The following LCE1E variants were observed in gnomAD, a reference collection of about 807,000 sequenced individuals.
The protein encoded by LCE1E is late cornified envelope protein 1E.
For synonymous variants in LCE1E, 61 were observed against 55.0 expected (o/e 1.11, Z -0.48); for missense variants, 144 against 144.3 (o/e 1.00, Z 0.01).
At chr1:152,786,416 T>G (rs1651852308) in intron 1 of LCE1E, 109 bp downstream of exon 1, 1 of 152,554 alleles carries the variant, frequency 6.6e-6, no homozygotes, top group Admixed American at 6.5e-5. Flanking sequence ...TGGTAACAAC[T>G]GGGACAGAAA....
intron 1 of LCE1E, 119 bp from the exon 2 acceptor site, chr1:152,787,159 A>G: frequency 1.1e-6 from 1 of 950,158 alleles, no homozygotes; most frequent in East Asian, 2.4e-5. Flanking sequence ...ATTTGGGGAA[A>G]GTATTGGAAG....
chr1:152,787,516 G>A lies in LCE1E; in HGVS notation c.217G>A (p.Gly73Ser), dbSNP rs1328296492. The change falls in exon 2 of 2, where the codon GGT becomes AGT. Residue 73 changes from glycine (G) to serine (S), a missense_variant. By Grantham distance (56) the Gly-to-Ser change is moderately conservative. Coordinates refer to ENST00000368770, the MANE Select transcript of LCE1E (RefSeq NM_178353.2). ...TGGGGGCTGCTGCAGCTCTGGGGGAGGTGGCTGCTGCCTGAGCCACCACAG... is the reference window on the plus strand; with the variant it reads ...TGGGGGCTGCTGCAGCTCTGGGGGAAGTGGCTGCTGCCTGAGCCACCACAG... The part of the protein sequence containing the change: ...SSGGCCSSGG[G>S]GCCLSHHRHH... The A allele has an allele frequency of 6.2e-7, 1 of 1,612,356 alleles. No homozygotes were observed.
Position 152,787,677 on chromosome 1 carries a change from T to C in LCE1E, c.*21T>C. ...GCTGAAGTGGACCTTGACTTCCTCT[T>C]CCTTCTGATTCTGCCTGAATAGCTG... On this transcript the variant is annotated 3_prime_UTR_variant, in exon 2 of 2. Transcript: ENST00000368770. 6.5e-7 allele frequency: 1 copy of C among 1,532,870 alleles called. No homozygotes were observed. The highest frequency in any genetic ancestry group is 8.8e-7 in the Non-Finnish European group (1 of 1,142,760). 95.0% of individuals were successfully genotyped at this position (1,532,870 alleles called of 1,614,324 possible). A position where few individuals can be genotyped will look rare whatever the true frequency, so the allele number is the denominator to read the frequency against.
Position 152,787,892 on chromosome 1 carries a change from T to C in LCE1E, c.*236T>C. The C allele has an allele frequency of 1.9e-6, 1 of 525,590 alleles. No individual in the cohort carries two copies. The highest frequency in any genetic ancestry group is 3.4e-6 in the Non-Finnish European group (1 of 295,868). 32.6% of individuals were successfully genotyped at this position (525,590 alleles called of 1,614,324 possible). A position where few individuals can be genotyped will look rare whatever the true frequency, so the allele number is the denominator to read the frequency against. On this transcript the variant is annotated 3_prime_UTR_variant, in exon 2 of 2. Transcript: ENST00000368770. Reference sequence around the variant, plus strand: ...CTGCTGTATTCTGTGCTGCCTGAACTGAAGAAATAAAATCCAGAATCTGCC... The same window carrying C: ...CTGCTGTATTCTGTGCTGCCTGAACCGAAGAAATAAAATCCAGAATCTGCC...
At chr1:152,787,246 T>C in intron 1 of LCE1E, 32 bp from the exon 2 acceptor site, 1 of 1,601,188 alleles carries the variant, frequency 6.2e-7, no homozygotes, top group Non-Finnish European at 8.5e-7. Flanking sequence ...GGCCTCTGCC[T>C]AGGTCTGATT....
In LCE1E at chr1:152,787,357, T is replaced by G. The variant is rs1233543485; in HGVS notation, c.58T>G (p.Cys20Gly). The G allele has an allele frequency of 1.2e-6, 2 of 1,613,838 alleles. No individual in the cohort carries two copies. The highest frequency in any genetic ancestry group is 2.7e-5 in the African/African-American group (2 of 74,850). ...CQPPPKCTPK[C>G]PPKCPTPKCP... ...GCCCCCTCCCAAGTGCACTCCCAAG[T>G]GCCCTCCCAAGTGTCCCACCCCCAA... Residue 20 changes from cysteine (C) to glycine (G), a missense_variant, in exon 2 of 2, where the codon TGC becomes GGC. Transcript: ENST00000368770.
rs1272326492 is a variant in LCE1E, at chr1:152,788,316, A to G, written c.*660A>G. ...TATGTGCATGCATTCACACACACATATGTACATGCACATAGATGAGATGAA... is the reference window on the plus strand; with the variant it reads ...TATGTGCATGCATTCACACACACATGTGTACATGCACATAGATGAGATGAA... On this transcript the variant is annotated 3_prime_UTR_variant, in exon 2 of 2. Transcript: ENST00000368770. The G allele has an allele frequency of 6.7e-6, 1 of 149,176 alleles. No homozygotes were observed. Among genetic ancestry groups the G allele is most frequent in the Non-Finnish European group, 1.7e-5 (1 of 59,164 alleles). 9.2% of individuals were successfully genotyped at this position (149,176 alleles called of 1,614,324 possible).
At position 152,787,663 on chromosome 1, in the gene LCE1E, C is replaced by G. The variant is rs765164816; in HGVS notation, c.*7C>G. ...CTCTGGAGGCTGCTGCTGAAGTGGACCTTGACTTCCTCTTCCTTCTGATTC... is the reference window on the plus strand; with the variant it reads ...CTCTGGAGGCTGCTGCTGAAGTGGAGCTTGACTTCCTCTTCCTTCTGATTC... On this transcript the variant is annotated 3_prime_UTR_variant, in exon 2 of 2. Transcript: ENST00000368770. 7.1e-6 allele frequency: 11 copies of G among 1,545,632 alleles called. No individual in the cohort carries two copies. Among genetic ancestry groups the G allele is most frequent in the Non-Finnish European group, 9.6e-6 (11 of 1,148,902 alleles).
In LCE1E at chr1:152,787,474, A is replaced by G. The variant is rs11205106; in HGVS notation, c.175A>G (p.Ser59Gly). 0.5 allele frequency: 807,555 copies of G among 1,612,454 alleles called. 205,541 individuals carry two copies. Among genetic ancestry groups the G allele is most frequent in the African/African-American group, 0.72 (53,691 of 74,770 alleles). Residue 59 changes from serine (S) to glycine (G), a missense_variant, in exon 2 of 2, where the codon AGC becomes GGC. Ser to Gly is a moderately conservative substitution (Grantham distance 56, BLOSUM62 0). Coordinates refer to ENST00000368770, the MANE Select transcript of LCE1E (RefSeq NM_178353.2). ...GGCCGSSSGG[S>G]CGSSSGGCCS... ...CTGCTGTGGCTCCAGCTCTGGGGGC[A>G]GCTGTGGCTCCAGCTCTGGGGGCTG...
At position 152,786,260 on chromosome 1, in the gene LCE1E, C is replaced by G. The variant is rs1432663346; in HGVS notation, c.-70C>G. 1 of 152,428 alleles carries G rather than the reference C, an allele frequency of 6.6e-6. No homozygotes were observed. The highest frequency in any genetic ancestry group is 6.5e-5 in the Admixed American group (1 of 15,296). 9.4% of individuals were successfully genotyped at this position (152,428 alleles called of 1,614,324 possible). A position where few individuals can be genotyped will look rare whatever the true frequency, so the allele number is the denominator to read the frequency against. Reference sequence around the variant, plus strand: ...GGGCTCAGGGCCAGAGCACCCCATTCACTCACTTCCTGAGGTGCCGAAGGA... The same window carrying G: ...GGGCTCAGGGCCAGAGCACCCCATTGACTCACTTCCTGAGGTGCCGAAGGA... On this transcript the variant is annotated 5_prime_UTR_variant, in exon 1 of 2. Transcript: ENST00000368770.
At position 152,787,481 on chromosome 1, in the gene LCE1E, G is replaced by T. The variant is rs146596514; in HGVS notation, c.182G>T (p.Gly61Val). 4.2e-5 allele frequency: 67 copies of T among 1,613,828 alleles called. No homozygotes were observed. The East Asian group carries it at 5.8e-4, about 14-fold the overall frequency. The change falls in exon 2 of 2, where the codon GGC (glycine) becomes GTC (valine). Residue 61 changes from glycine to valine, a missense_variant. Physicochemically the swap from Gly to Val is moderately radical, Grantham distance 109. Transcript: ENST00000368770. ...GGCTCCAGCTCTGGGGGCAGCTGTG[G>T]CTCCAGCTCTGGGGGCTGCTGCAGC... ...CCGSSSGGSC[G>V]SSSGGCCSSG...
chr1:152,787,105 T>C (rs1027765258), intron 1 of LCE1E, among the ~76,000 whole-genome samples, 173 bp from the exon 2 acceptor site: 3 of 152,182 alleles, frequency 2.0e-5, no homozygotes, highest in Admixed American at 1.3e-4. Flanking sequence ...GTGTAGCAGA[T>C]AACACACAAG....
rs1471308997 is a variant in LCE1E, at chr1:152,787,194, C to G, written c.-22-84C>G. 1.2e-5 allele frequency: 15 copies of G among 1,255,392 alleles called. No individual in the cohort carries two copies. The East Asian group carries it at 1.6e-4, about 14-fold the overall frequency. 77.8% of individuals were successfully genotyped at this position (1,255,392 alleles called of 1,614,324 possible). On this transcript the variant is annotated intron_variant, in intron 1 of 1. Transcript: ENST00000368770. ...GTGAAACTACTGGACATGATGTTTCCATAATTACAAGTCATGCTAAGAGTG... is the reference window on the plus strand; with the variant it reads ...GTGAAACTACTGGACATGATGTTTCGATAATTACAAGTCATGCTAAGAGTG...
At position 152,787,526 on chromosome 1, in the gene LCE1E, G is replaced by T. The variant is rs1288554723; in HGVS notation, c.227G>T (p.Cys76Phe). 1.2e-6 allele frequency: 2 copies of T among 1,613,608 alleles called. No homozygotes were observed. Among genetic ancestry groups the T allele is most frequent in the Non-Finnish European group, 1.7e-6 (2 of 1,179,970 alleles). ...GCCSSGGGGC[C>F]LSHHRHHRSH... ...TGCAGCTCTGGGGGAGGTGGCTGCT[G>T]CCTGAGCCACCACAGGCACCACAGG... The change falls in exon 2 of 2, where the codon TGC (cysteine) becomes TTC (phenylalanine). Residue 76 changes from cysteine (C) to phenylalanine (F), a missense_variant. Cys to Phe is a radical substitution (Grantham distance 205). Coordinates refer to ENST00000368770, the MANE Select transcript of LCE1E (RefSeq NM_178353.2).
chr1:152,786,900 G>C (rs975762355), intron 1 of LCE1E, among the ~76,000 whole-genome samples: 13 of 152,176 alleles, frequency 8.5e-5, no homozygotes, highest in Non-Finnish European at 1.5e-4. Flanking sequence ...GGATATTGCA[G>C]AGTAAAACTA....
In LCE1E at chr1:152,787,413, T is replaced by C. The variant is rs775070684; in HGVS notation, c.114T>C (p.Pro38=). ...KCPPKCPPKC[P]PVSSCCSVSS... is the part of the protein sequence containing the mutation. The stretch of plus-strand genomic sequence containing the variant: ...CTCCAAAGTGTCCCCCTAAGTGCCC[T>C]CCAGTCTCTTCCTGCTGCAGTGTCA... The change falls in exon 2 of 2, where the codon CCT becomes CCC. Residue 38 remains proline (P), a synonymous_variant. Coordinates refer to ENST00000368770, the MANE Select transcript of LCE1E (RefSeq NM_178353.2). 2.5e-6 allele frequency: 4 copies of C among 1,613,250 alleles called. No homozygotes were observed. The South Asian group carries it at 4.4e-5, about 18-fold the overall frequency.
chr1:152,786,696 C>T (rs1050157173), intron 1 of LCE1E, among the ~76,000 whole-genome samples: 1 of 152,144 alleles, frequency 6.6e-6, no homozygotes, highest in Non-Finnish European at 1.5e-5. Context: ...TTGATTAGGA[C>T]ACACCAAACC....
rs1363453544 is a variant in LCE1E at position 152,787,962 on chromosome 1, C to T, written c.*306C>T. ...TGCTTGATTTTCCTGTTTGTGTCAT[C>T]CTTGTTCTGCTCCCCTGTGTCTGCT... On this transcript the variant is annotated 3_prime_UTR_variant, in exon 2 of 2. Transcript: ENST00000368770. 8 of 351,254 alleles carry T rather than the reference C, an allele frequency of 2.3e-5. 1 individual carries two copies. Among genetic ancestry groups the T allele is most frequent in the Admixed American group, 4.4e-5 (1 of 22,638 alleles). 21.8% of individuals were successfully genotyped at this position (351,254 alleles called of 1,614,324 possible).
In LCE1E at chr1:152,787,136, A is replaced by T. The variant is rs1023683353; in HGVS notation, c.-22-142A>T. 7.2e-6 allele frequency: 6 copies of T among 829,872 alleles called. No homozygotes were observed. In the African/African-American group the frequency reaches 8.5e-5, roughly 12 times the overall value. The allele number at this position is 829,872 out of a possible 1,614,324, so 51.4% of individuals were successfully genotyped here. The stretch of plus-strand genomic sequence containing the variant: ...ACAAGGGTATCCTGAGCTTGCAAAG[A>T]GATGATGAGAGAATTTGGGGAAAGT... On this transcript the variant is annotated intron_variant, in intron 1 of 1. Coordinates refer to ENST00000368770, the MANE Select transcript of LCE1E (RefSeq NM_178353.2).
Sources: gnomAD v4.1 joint callset for allele counts (sites outside exome capture counted in the v4.1 genomes callset) on GRCh38, gnomAD v4.1.1 for gene constraint, MANE v1.5 for transcripts, NCBI Gene and HGNC (gene_info 2026-07-23, HGNC 2026-07-21) for gene names.